COL25A1: variants seen among roughly 807,000 people sequenced by gnomAD.
COL25A1 encodes collagen alpha-1(XXV) chain.
A neutral mutation model predicts 128.4 loss-of-function variants in COL25A1; 103 were observed. That is an observed-to-expected ratio of 0.80 (90% CI 0.68 to 0.94). COL25A1 has a LOEUF of 0.94. Ranked by LOEUF, COL25A1 falls within the 40% of genes least tolerant of loss-of-function variation. The pLI, the probability that COL25A1 is intolerant of heterozygous loss-of-function variation, is 0.00. For synonymous variants in COL25A1, 279 were observed against 277.2 expected (o/e 1.01, Z -0.06); for missense variants, 745 against 840.0 (o/e 0.89, Z 1.40).
Position 109,048,180 on chromosome 4 carries a change from G to T in COL25A1, c.413-5C>A. On this transcript the variant is annotated splice_polypyrimidine_tract_variant and splice_region_variant and intron_variant, in intron 4 of 37. Coordinates refer to ENST00000399132, the MANE Select transcript of COL25A1 (RefSeq NM_198721.4). ...CAAACATACTTACAGGAGGACCTAT[G>T]GGGGGAGCAGGTGGAGAGAGAAGAG... 1 of 1,611,836 alleles carries T rather than the reference G, an allele frequency of 6.2e-7. No homozygotes were observed.
chr4:109,246,861 C>G (rs530447833), intron 3 of COL25A1, among the ~76,000 whole-genome samples: 1 of 151,988 alleles, frequency 6.6e-6, no homozygotes, highest in Non-Finnish European at 1.5e-5. Flanking sequence ...TTCAAGCTTA[C>G]GTGGAAAATG....
chr4:109,067,225 A>G (rs976505082), intron 3 of COL25A1, among the ~76,000 whole-genome samples: 8 of 152,194 alleles, frequency 5.3e-5, no homozygotes, highest in African/African-American at 1.9e-4. Context: ...AAGCTTTATA[A>G]GAGAACATCC....
At chr4:108,844,714 T>A in intron 29 of COL25A1, 145 bp from the exon 30 acceptor site, 3 of 1,214,682 alleles carry the variant, frequency 2.5e-6, no homozygotes, top group Non-Finnish European at 3.3e-6. Context: ...TTTGATTCTC[T>A]AGATGTAGAA....
chr4:109,066,264 C>T (rs1329502461), intron 3 of COL25A1, among the ~76,000 whole-genome samples: 1 of 152,256 alleles, frequency 6.6e-6, no homozygotes, highest in Admixed American at 6.5e-5. Context: ...CCCCAAGTGC[C>T]TCTTTTTCTA....
intron 3 of COL25A1, among the ~76,000 whole-genome samples, chr4:109,179,520 G>A (rs148167176): frequency 0.013 from 1,905 of 152,348 alleles, 18 homozygotes; most frequent in Non-Finnish European, 0.02. Flanking sequence ...TTAGGATAGA[G>A]AAAGGTAATT....
chr4:108,964,699 C>G (rs1751100188), intron 8 of COL25A1, among the ~76,000 whole-genome samples: 1 of 151,974 alleles, frequency 6.6e-6, no homozygotes, highest in Non-Finnish European at 1.5e-5. Context: ...TCTAAATTGA[C>G]CGATATTAGG....
At chr4:108,901,313 T>G in intron 13 of COL25A1, 141 bp from the exon 14 acceptor site, 1 of 653,054 alleles carries the variant, frequency 1.5e-6, no homozygotes, top group East Asian at 2.7e-5. Context: ...TCAAGTTAGC[T>G]TCCATGGTCC....
chr4:108,841,436 T>C (rs910201415), intron 31 of COL25A1, among the ~76,000 whole-genome samples: 1 of 152,080 alleles, frequency 6.6e-6, no homozygotes, highest in Non-Finnish European at 1.5e-5. Context: ...CTTGAGTACA[T>C]TATGATTTGT....
chr4:108,946,908 T>G (rs76684476), intron 8 of COL25A1, among the ~76,000 whole-genome samples: 17,146 of 152,116 alleles, frequency 0.11, 1,050 homozygotes, highest in East Asian at 0.18. Context: ...GTTTCAATTG[T>G]TATTAAGGAA....
chr4:109,050,928 ATG>A (rs1760924718), intron 3 of COL25A1, among the ~76,000 whole-genome samples: 1 of 151,458 alleles, frequency 6.6e-6, no homozygotes, highest in African/African-American at 2.4e-5. Context: ...CCAAGCTAGT[ATG>A]TATCAGACTT....
chr4:109,056,663 G>A (rs1235733705), intron 3 of COL25A1, among the ~76,000 whole-genome samples: 1 of 151,878 alleles, frequency 6.6e-6, no homozygotes, highest in Non-Finnish European at 1.5e-5. Flanking sequence ...TCTTCAAGTG[G>A]CTAATAAACG....
At chr4:109,112,900 G>A (rs1190426674) in intron 3 of COL25A1, among the ~76,000 whole-genome samples, 1 of 152,046 alleles carries the variant, frequency 6.6e-6, no homozygotes, top group Non-Finnish European at 1.5e-5. Flanking sequence ...TATAAAATTG[G>A]CAAACGTCCA....
intron 3 of COL25A1, among the ~76,000 whole-genome samples, chr4:109,163,662 T>C (rs1240956524): frequency 6.6e-6 from 1 of 152,154 alleles, no homozygotes; most frequent in Non-Finnish European, 1.5e-5. Context: ...CTTTGGCAGG[T>C]AACTGAAGTC....
At chr4:108,934,480 A>G (rs979312350) in intron 11 of COL25A1, among the ~76,000 whole-genome samples, 25 of 152,166 alleles carry the variant, frequency 1.6e-4, no homozygotes, top group Non-Finnish European at 4.4e-5. Context: ...AATTTAAAGT[A>G]TAGTAAAAAT....
At chr4:109,013,405 G>A (rs1337913689) in intron 5 of COL25A1, among the ~76,000 whole-genome samples, 1 of 152,046 alleles carries the variant, frequency 6.6e-6, no homozygotes, top group African/African-American at 2.4e-5. Context: ...GGGCCAATCA[G>A]CAGGATGTGG....
chr4:108,846,572 G>A (rs753862988), intron 27 of COL25A1, among the ~76,000 whole-genome samples: 3 of 152,138 alleles, frequency 2.0e-5, no homozygotes, highest in Non-Finnish European at 2.9e-5. Flanking sequence ...AATACAGGAT[G>A]TATTTTGAAC....
intron 6 of COL25A1, among the ~76,000 whole-genome samples, chr4:108,985,675 C>T (rs188422065): frequency 2.6e-5 from 4 of 152,278 alleles, no homozygotes; most frequent in African/African-American, 4.8e-5. Flanking sequence ...ACCAAATAAA[C>T]TGGAGTTTTG....
intron 3 of COL25A1, among the ~76,000 whole-genome samples, chr4:109,184,348 T>C (rs1322365435): frequency 6.6e-5 from 10 of 152,186 alleles, no homozygotes; most frequent in Non-Finnish European, 1.5e-4. Flanking sequence ...ATATCTTCCT[T>C]GGAAACATTC....
intron 3 of COL25A1, among the ~76,000 whole-genome samples, chr4:109,126,916 TAA>T (rs1004794893): frequency 2.1e-5 from 3 of 144,136 alleles, no homozygotes; most frequent in Non-Finnish European, 4.6e-5. Flanking sequence ...ATAATAAAAT[TAA>T]AAAAAAAAAG....
Sources: gnomAD v4.1 joint callset for allele counts (sites outside exome capture counted in the v4.1 genomes callset) on GRCh38, gnomAD v4.1.1 for gene constraint, MANE v1.5 for transcripts, NCBI Gene and HGNC (gene_info 2026-07-23, HGNC 2026-07-21) for gene names.